Variants in ZNF518A observed in about 807,000 individuals in gnomAD.
ZNF518A encodes the protein zinc finger protein 518A.
ZNF518A carries 47 observed loss-of-function variants against 102.7 expected under a neutral mutation model. The ratio of observed to expected loss-of-function variants is 0.46; its 90% confidence interval spans 0.36 to 0.58. The LOEUF (loss-of-function observed/expected upper bound fraction) is 0.58, where lower values mean the gene tolerates loss of function less well. Ranked by LOEUF, ZNF518A falls within the 20% of genes least tolerant of loss-of-function variation. ZNF518A has a pLI of 0.00. For missense variants in ZNF518A, 1,793 were observed against 1,699.8 expected, an observed-to-expected ratio of 1.05 and a Z score of -0.96; for synonymous variants, 652 against 594.6, an observed-to-expected ratio of 1.10 and a Z score of -1.40.
chr10:96,195,667 CTGT>C (rs2083447312), intron 1 of ZNF518A, among the ~76,000 whole-genome samples: 1 of 152,120 alleles, frequency 6.6e-6, no homozygotes, highest in South Asian at 2.1e-4. Flanking sequence ...AAAAGGGAAA[CTGT>C]TGTTCAGTGG....
At chr10:96,142,780 T>C (rs969780289) in intron 3 of ZNF518A, among the ~76,000 whole-genome samples, 3 of 151,842 alleles carry the variant, frequency 2.0e-5, no homozygotes, top group Admixed American at 6.6e-5. Flanking sequence ...CTTTTAAAAA[T>C]CTTTCCGGAC....
At chr10:96,201,539 G>T (rs1283245042) in intron 1 of ZNF518A, among the ~76,000 whole-genome samples, 2 of 152,108 alleles carry the variant, frequency 1.3e-5, no homozygotes, top group Admixed American at 1.3e-4. Flanking sequence ...TGTTTTAAAT[G>T]TCTCAGTTTT....
chr10:96,198,644 C>T (rs2083538631), intron 1 of ZNF518A, among the ~76,000 whole-genome samples: 1 of 152,176 alleles, frequency 6.6e-6, no homozygotes, highest in African/African-American at 2.4e-5. Context: ...GATTTTATAG[C>T]CAGCCAAGAT....
intron 3 of ZNF518A, among the ~76,000 whole-genome samples, chr10:96,146,081 A>G (rs1554878390): frequency 6.6e-6 from 1 of 151,748 alleles, no homozygotes. Context: ...AACAAATTAA[A>G]CTCTATATGT....
chr10:96,165,538 TTC>T (rs1489698886), downstream of ZNF518A, among the ~76,000 whole-genome samples: 1 of 151,604 alleles, frequency 6.6e-6, no homozygotes, highest in Non-Finnish European at 1.5e-5. Context: ...TACATAGTAT[TTC>T]TGAGTGGAAG....
At position 96,157,638 on chromosome 10, in the gene ZNF518A, A is replaced by G; in HGVS notation, c.1316A>G (p.Asn439Ser). Residue 439 changes from asparagine (N) to serine (S), a missense_variant, in exon 6 of 6, where the codon AAC becomes AGC. Physicochemically the swap from Asn to Ser is conservative, Grantham distance 46 (BLOSUM62 1). This residue lies in a region of ZNF518A where 1,741 missense variants were observed against 1,622.6 expected (regional missense o/e 1.07). Transcript: ENST00000316045. The part of the protein sequence containing the change: ...MKNNKLAVSP[N>S]YNATFMGFKM... The stretch of plus-strand genomic sequence containing the variant: ...AATAATAAACTAGCAGTTTCCCCTA[A>G]CTATAATGCTACGTTTATGGGCTTC... 6.2e-7 allele frequency: 1 copy of G among 1,613,900 alleles called. No individual in the cohort carries two copies. Among genetic ancestry groups the G allele is most frequent in the South Asian group, 1.1e-5 (1 of 91,080 alleles).
intron 1 of ZNF518A, among the ~76,000 whole-genome samples, chr10:96,203,326 G>A (rs1049518581): frequency 6.6e-6 from 1 of 152,002 alleles, no homozygotes; most frequent in South Asian, 2.1e-4. Context: ...ATTTATTTAA[G>A]ATGAATATTA....
At chr10:96,199,917 G>T in intron 1 of ZNF518A, 1 of 370,404 alleles carries the variant, frequency 2.7e-6, no homozygotes, top group Non-Finnish European at 4.6e-6. Context: ...CCAGCTGCTT[G>T]GGAGGCTGAG....
At position 96,163,745 on chromosome 10, in the gene ZNF518A, AAC is replaced by A. The variant is rs1445335109; in HGVS notation, c.*2973_*2974del. On this transcript the variant is annotated 3_prime_UTR_variant, in exon 6 of 6. Coordinates refer to ENST00000316045, the MANE Select transcript of ZNF518A (RefSeq NM_001330736.2). ...AATTAGTGTGGCTATGTTTTAATAA[AAC>A]AATTTATAAAAACAGGAAGTGGGCT... The A allele has an allele frequency of 6.0e-6, 1 of 167,052 alleles. No homozygotes were observed. The highest frequency in any genetic ancestry group is 1.5e-5 in the Non-Finnish European group (1 of 68,092). The allele number at this position is 167,052 out of a possible 1,614,324, so 10.3% of individuals were successfully genotyped here.
At position 96,161,995 on chromosome 10, in the gene ZNF518A, C is replaced by G. The variant is rs587632391; in HGVS notation, c.*1221C>G. 1.8e-5 allele frequency: 3 copies of G among 166,836 alleles called. No homozygotes were observed. Among genetic ancestry groups the G allele is most frequent in the African/African-American group, 7.2e-5 (3 of 41,384 alleles). The allele number at this position is 166,836 out of a possible 1,614,324, so 10.3% of individuals were successfully genotyped here. On this transcript the variant is annotated 3_prime_UTR_variant, in exon 6 of 6. Coordinates refer to ENST00000316045, the MANE Select transcript of ZNF518A (RefSeq NM_001330736.2). The stretch of plus-strand genomic sequence containing the variant: ...CAGAATCATAGATTTAGATTTTTCA[C>G]CTTGTAAGTTTGGATCAAATTTTGC...
At chr10:96,150,807 C>T (rs1364872645) in intron 3 of ZNF518A, among the ~76,000 whole-genome samples, 4 of 113,262 alleles carry the variant, frequency 3.5e-5, no homozygotes, top group African/African-American at 1.0e-4. Context: ...AGTGCAGTGG[C>T]GTGATCTCGG....
chr10:96,138,098 T>A (rs1175071441), intron 3 of ZNF518A, among the ~76,000 whole-genome samples: 1 of 152,224 alleles, frequency 6.6e-6, no homozygotes, highest in Non-Finnish European at 1.5e-5. Context: ...TGACCATGCC[T>A]CATTGTCTCA....
At chr10:96,138,009 T>G (rs189148922) in intron 3 of ZNF518A, among the ~76,000 whole-genome samples, 12 of 152,070 alleles carry the variant, frequency 7.9e-5, no homozygotes, top group Admixed American at 4.6e-4. Context: ...CTTCTAGAGT[T>G]ATCCTTGACA....
intron 3 of ZNF518A, among the ~76,000 whole-genome samples, chr10:96,139,152 G>A (rs1383769086): frequency 6.6e-6 from 1 of 152,074 alleles, no homozygotes; most frequent in East Asian, 1.9e-4. Flanking sequence ...GTGGCAGCTT[G>A]TTGGAGTATA....
intron 3 of ZNF518A, among the ~76,000 whole-genome samples, chr10:96,137,785 A>G (rs960763649): frequency 2.0e-5 from 3 of 152,220 alleles, no homozygotes; most frequent in Non-Finnish European, 4.4e-5. Flanking sequence ...ACATATGTAC[A>G]TATACACACA....
At position 96,159,675 on chromosome 10, in the gene ZNF518A, T is replaced by G; in HGVS notation, c.3353T>G (p.Leu1118Arg). The change falls in exon 6 of 6, where the codon CTT becomes CGT. Residue 1118 changes from leucine to arginine, a missense_variant. Transcript: ENST00000316045. ...KCVMPNKTEL[L>R]KPKLVQNSTY... The stretch of plus-strand genomic sequence containing the variant: ...GTGATGCCAAATAAAACTGAGCTGC[T>G]TAAGCCCAAATTAGTCCAAAATAGT... The G allele has an allele frequency of 6.2e-7, 1 of 1,613,588 alleles. No individual in the cohort carries two copies. The highest frequency in any genetic ancestry group is 8.5e-7 in the Non-Finnish European group (1 of 1,179,796).
At chr10:96,175,072 C>T (rs76331742) in intron 1 of ZNF518A, among the ~76,000 whole-genome samples, 3,850 of 152,262 alleles carry the variant, frequency 0.025, 82 homozygotes, top group Non-Finnish European at 0.035. Flanking sequence ...TCTCAAACTT[C>T]CCAGCTTCCA....
chr10:96,135,394 C>G (rs2081547861), intron 3 of ZNF518A: 1 of 152,216 alleles, frequency 6.6e-6, no homozygotes, highest in Non-Finnish European at 1.5e-5. Context: ...TGGATTGCAG[C>G]AGAAAGTGTT....
At chr10:96,131,482 T>G (rs782746087) in intron 1 of ZNF518A, among the ~76,000 whole-genome samples, 136 of 152,332 alleles carry the variant, frequency 8.9e-4, no homozygotes, top group Admixed American at 1.8e-3. Flanking sequence ...TTGAGGGTGT[T>G]GGGATTTCCT....
Sources: allele counts gnomAD v4.1 joint callset (sites outside exome capture counted in the v4.1 genomes callset), GRCh38; gene constraint gnomAD v4.1.1; regional missense constraint gnomAD v4.1.1; transcripts MANE v1.5; gene names NCBI Gene and HGNC (gene_info 2026-07-23, HGNC 2026-07-21).